Variants in AGBL4 observed in about 807,000 individuals in gnomAD.
AGBL4 encodes AGBL carboxypeptidase 4, also known as cytosolic carboxypeptidase 6.
A neutral mutation model predicts 66.4 loss-of-function variants in AGBL4; 58 were observed. The ratio of observed to expected loss-of-function variants is 0.87; its 90% CI spans 0.71 to 1.09. AGBL4 has a LOEUF of 1.09. Ranked by LOEUF, AGBL4 falls within the 50% of genes least tolerant of loss-of-function variation. AGBL4 has a pLI of 0.00. For synonymous variants in AGBL4, 234 were observed against 222.9 expected (o/e 1.05, Z -0.44); for missense variants, 579 against 631.0 (o/e 0.92, Z 0.88).
chr1:49,097,657 C>T lies in AGBL4; in HGVS notation c.378-51857G>A, dbSNP rs533637990. On this transcript the variant is annotated intron_variant, in intron 4 of 13. Coordinates refer to ENST00000371839, the MANE Select transcript of AGBL4 (RefSeq NM_032785.4). ...AGTGCAGTGGCACGATCTCAGCTCG[C>T]TTCACCTCTACCTCCGAGGTTGAAG... is the stretch of plus-strand genomic sequence containing the variant. Among the ~76,000 whole-genome samples the T allele has an allele frequency of 1.9e-3, 283 of 152,338 alleles. 1 individual carries two copies. The highest frequency in any genetic ancestry group is 6.6e-3 in the African/African-American group (275 of 41,574).
At chr1:49,121,455 C>A (rs1416390778) in intron 4 of AGBL4, among the ~76,000 whole-genome samples, 2 of 152,158 alleles carry the variant, frequency 1.3e-5, no homozygotes, top group African/African-American at 2.4e-5. Context: ...TTCCTTCTAA[C>A]AGGTCCCTCA....
At chr1:48,582,284 G>T (rs1644751625) in intron 11 of AGBL4, among the ~76,000 whole-genome samples, 1 of 152,104 alleles carries the variant, frequency 6.6e-6, no homozygotes, top group South Asian at 2.1e-4. Flanking sequence ...ATGGAATATT[G>T]ATAATCCATG....
chr1:49,177,018 GCT>G (rs1557702653), intron 4 of AGBL4, among the ~76,000 whole-genome samples: 2 of 152,070 alleles, frequency 1.3e-5, no homozygotes, highest in African/African-American at 4.8e-5. Context: ...ACTCAACAAA[GCT>G]CTGTCTTGGT....
chr1:49,833,818 G>C (rs1407373662), intron 2 of AGBL4, among the ~76,000 whole-genome samples: 1 of 152,122 alleles, frequency 6.6e-6, no homozygotes, highest in Non-Finnish European at 1.5e-5. Flanking sequence ...GTATAAGAAT[G>C]CTTGTGATTT....
At chr1:49,000,267 A>T (rs921202532) in intron 5 of AGBL4, among the ~76,000 whole-genome samples, 1 of 152,158 alleles carries the variant, frequency 6.6e-6, no homozygotes, top group African/African-American at 2.4e-5. Flanking sequence ...CCATGCTTTT[A>T]ACCCCTATAC....
intron 1 of AGBL4, among the ~76,000 whole-genome samples, chr1:49,945,406 T>C (rs986101105): frequency 2.6e-5 from 4 of 152,112 alleles, no homozygotes; most frequent in Non-Finnish European, 4.4e-5. Context: ...ATTGGAGCCC[T>C]ATCTTCAACC....
chr1:49,393,541 G>A (rs1219198577), intron 3 of AGBL4, among the ~76,000 whole-genome samples: 1 of 152,148 alleles, frequency 6.6e-6, no homozygotes, highest in Non-Finnish European at 1.5e-5. Flanking sequence ...CACTTTATCA[G>A]AGCCCAACCA....
At chr1:49,985,598 A>G (rs537441197) in intron 1 of AGBL4, among the ~76,000 whole-genome samples, 1 of 152,360 alleles carries the variant, frequency 6.6e-6, no homozygotes, top group South Asian at 2.1e-4. Flanking sequence ...ATGCTTACAC[A>G]TAATGAGGAA....
At chr1:48,572,605 A>G (rs1273567610) in intron 11 of AGBL4, among the ~76,000 whole-genome samples, 1 of 152,002 alleles carries the variant, frequency 6.6e-6, no homozygotes, top group Admixed American at 6.6e-5. Flanking sequence ...AAAAATGAAA[A>G]CAAAACGGGG....
intron 1 of AGBL4, among the ~76,000 whole-genome samples, chr1:49,936,305 C>G (rs534901527): frequency 6.6e-6 from 1 of 152,000 alleles, no homozygotes; most frequent in Non-Finnish European, 1.5e-5. Context: ...TAAAAAGAAA[C>G]GAACAAAGCC....
chr1:49,845,550 C>T (rs577144211), intron 2 of AGBL4: 6 of 1,596,446 alleles, frequency 3.8e-6, no homozygotes, highest in Middle Eastern at 1.7e-4. Context: ...TGACCAAACA[C>T]CAGCAAATCC....
chr1:48,780,124 C>T (rs1243505139), intron 6 of AGBL4, among the ~76,000 whole-genome samples: 1 of 151,820 alleles, frequency 6.6e-6, no homozygotes, highest in African/African-American at 2.4e-5. Flanking sequence ...GTTTGCTGCA[C>T]TCATCAACTC....
At chr1:49,694,726 A>G (rs913221857) in intron 3 of AGBL4, among the ~76,000 whole-genome samples, 2 of 152,210 alleles carry the variant, frequency 1.3e-5, no homozygotes, top group African/African-American at 4.8e-5. Flanking sequence ...GTAAGTTATA[A>G]CACTCTGGCA....
chr1:48,574,946 T>C (rs974569402), intron 11 of AGBL4, among the ~76,000 whole-genome samples: 1 of 152,176 alleles, frequency 6.6e-6, no homozygotes, highest in Non-Finnish European at 1.5e-5. Flanking sequence ...CTGTAGAGAA[T>C]GGCCCTGTGG....
chr1:49,016,978 C>G (rs1411300096), intron 5 of AGBL4, among the ~76,000 whole-genome samples: 2 of 152,320 alleles, frequency 1.3e-5, no homozygotes, highest in East Asian at 3.9e-4. Flanking sequence ...GTCAAGAGCT[C>G]CTGCCTGACT....
chr1:49,311,743 A>T (rs1483486760), intron 3 of AGBL4, among the ~76,000 whole-genome samples: 1 of 152,020 alleles, frequency 6.6e-6, no homozygotes, highest in Admixed American at 6.6e-5. Context: ...TAAAAGAATA[A>T]TTCCAGGTAT....
chr1:49,917,072 G>A (rs186481408), intron 1 of AGBL4, among the ~76,000 whole-genome samples: 1 of 152,180 alleles, frequency 6.6e-6, no homozygotes, highest in East Asian at 1.9e-4. Context: ...CCCAACAAGA[G>A]CTCCTGAAAG....
At chr1:48,576,173 C>A (rs181545023) in intron 11 of AGBL4, among the ~76,000 whole-genome samples, 5 of 152,316 alleles carry the variant, frequency 3.3e-5, no homozygotes, top group Admixed American at 3.3e-4. Context: ...ATGACCTGAG[C>A]TCCTCCTCCT....
intron 3 of AGBL4, among the ~76,000 whole-genome samples, chr1:49,579,854 C>G (rs148359270): frequency 9.0e-4 from 137 of 152,246 alleles, no homozygotes; most frequent in Non-Finnish European, 1.5e-3. Flanking sequence ...CAATTTAAGT[C>G]CAGTGTGTCT....
Sources: gnomAD v4.1 joint callset for allele counts (sites outside exome capture counted in the v4.1 genomes callset) on GRCh38, gnomAD v4.1.1 for gene constraint, MANE v1.5 for transcripts, NCBI Gene and HGNC (gene_info 2026-07-23, HGNC 2026-07-21) for gene names.